The following TFRC variants were observed in gnomAD, a reference collection of about 807,000 sequenced individuals.
The protein encoded by TFRC is transferrin receptor protein 1.
TFRC carries 35 observed loss-of-function variants against 85.8 expected under a neutral mutation model. That is an observed-to-expected ratio of 0.41 (90% CI 0.31 to 0.54). The LOEUF is 0.54. Among genes scored for constraint, TFRC ranks in the 20% least tolerant of loss-of-function variants. The pLI is 0.31. For synonymous variants in TFRC, 362 were observed against 328.6 expected, an observed-to-expected ratio of 1.10 and a Z score of -1.10; for missense variants, 828 against 921.5, an observed-to-expected ratio of 0.90 and a Z score of 1.31.
At chr3:196,070,157 G>T (rs41303523) in intron 6 of TFRC, among the ~76,000 whole-genome samples, 6,827 of 152,072 alleles carry the variant, frequency 0.045, 195 homozygotes, top group Middle Eastern at 0.095. Context: ...CTTATAGGCA[G>T]CCAGGCAAAG....
chr3:196,077,645 G>A (rs1188383382), intron 1 of TFRC, among the ~76,000 whole-genome samples: 6 of 151,954 alleles, frequency 3.9e-5, no homozygotes, highest in Non-Finnish European at 7.4e-5. Flanking sequence ...CCAGCCACTC[G>A]GGAGCCTGAG....
intron 16 of TFRC, 110 bp from the exon 17 acceptor site, chr3:196,055,411 A>G: frequency 2.3e-6 from 2 of 853,240 alleles, no homozygotes; most frequent in East Asian, 5.0e-5. Flanking sequence ...CCTTGCTTCT[A>G]ACATATTCCT....
Position 196,051,449 on chromosome 3 carries a change from C to A in TFRC, c.*493G>T, listed in dbSNP as rs750711783. On this transcript the variant is annotated 3_prime_UTR_variant, in exon 19 of 19. Coordinates refer to ENST00000360110, the MANE Select transcript of TFRC (RefSeq NM_001128148.3). Reference sequence around the variant, plus strand: ...CATCTCTTCTGAAAGTTAACTGTTTCTTTCAGGAATGAGGAAACCAGCTAC... The same window carrying A: ...CATCTCTTCTGAAAGTTAACTGTTTATTTCAGGAATGAGGAAACCAGCTAC... The A allele has an allele frequency of 1.4e-5, 3 of 218,382 alleles. No homozygotes were observed. Among genetic ancestry groups the A allele is most frequent in the Admixed American group, 5.8e-5 (1 of 17,334 alleles). 13.5% of individuals were successfully genotyped at this position (218,382 alleles called of 1,614,324 possible).
intron 17 of TFRC, among the ~76,000 whole-genome samples, chr3:196,054,277 C>T (rs561127512): frequency 7.9e-5 from 12 of 152,252 alleles, no homozygotes; most frequent in East Asian, 7.7e-4. Flanking sequence ...TGGTGGCACA[C>T]GCCTGTAATC....
In TFRC at chr3:196,075,884, G is replaced by GT. The variant is rs564629951; in HGVS notation, c.37-525_37-524insA. Among the ~76,000 whole-genome samples, 91 of 47,340 alleles carry GT rather than the reference G, an allele frequency of 1.9e-3. 2 individuals carry two copies. Among genetic ancestry groups the GT allele is most frequent in the Admixed American group, 6.6e-3 (33 of 5,014 alleles). The allele number at this position is 47,340 out of a possible 152,430, so 31.1% of individuals were successfully genotyped here. ...CTCATGCCTGTAATCCCAGCACTCT[G>GT]GGGGGGGCCGAGGCACACAGATCAT... On this transcript the variant is annotated intron_variant, in intron 2 of 18. Coordinates refer to ENST00000360110, the MANE Select transcript of TFRC (RefSeq NM_001128148.3).
intron 13 of TFRC, among the ~76,000 whole-genome samples, chr3:196,061,755 C>T (rs1717302425): frequency 6.6e-6 from 1 of 152,200 alleles, no homozygotes; most frequent in African/African-American, 2.4e-5. Context: ...CTCCCAAGTG[C>T]TGGGATTACA....
rs773733218 is a variant in TFRC, at chr3:196,072,071, T to C, written c.516A>G (p.Gln172=). 42 of 1,614,080 alleles carry C rather than the reference T, an allele frequency of 2.6e-5. No individual in the cohort carries two copies. Among genetic ancestry groups the C allele is most frequent in the Middle Eastern group, 1.6e-4 (1 of 6,084 alleles). The change falls in exon 5 of 19, where the codon CAA becomes CAG. Residue 172 remains glutamine, a synonymous_variant. Coordinates refer to ENST00000360110, the MANE Select transcript of TFRC (RefSeq NM_001128148.3). ...CTTTGCTGAGTTTAAATTCACGAAA[T>C]TGATTTTCAACATACAACGCAAGAT... ...DENLALYVEN[Q]FREFKLSKVW... is the part of the protein sequence containing the mutation.
chr3:196,071,243 T>C (rs769134201), intron 6 of TFRC, among the ~76,000 whole-genome samples, 153 bp downstream of exon 6: 4 of 152,206 alleles, frequency 2.6e-5, no homozygotes, highest in African/African-American at 4.8e-5. Flanking sequence ...GAGAAGACAA[T>C]GCATGTTGAC....
At chr3:196,056,206 T>A (rs530932925) in intron 16 of TFRC, among the ~76,000 whole-genome samples, 9 of 152,216 alleles carry the variant, frequency 5.9e-5, no homozygotes, top group South Asian at 2.1e-4. Context: ...ATTTAAAAAA[T>A]TTTTTGTAGA....
chr3:196,080,687 C>T (rs985172328), intron 1 of TFRC, among the ~76,000 whole-genome samples: 37 of 152,256 alleles, frequency 2.4e-4, no homozygotes, highest in Non-Finnish European at 5.9e-5. Flanking sequence ...ATCTTCAACA[C>T]AGGCTAGGTT....
chr3:196,058,437 A>G, intron 15 of TFRC, 72 bp from the exon 16 acceptor site: 1 of 1,506,802 alleles, frequency 6.6e-7, no homozygotes, highest in East Asian at 2.3e-5. Flanking sequence ...TAGTCCCCCC[A>G]TCCAAAATAA....
intron 1 of TFRC, among the ~76,000 whole-genome samples, chr3:196,081,325 C>CA (rs1045618762): frequency 1.3e-5 from 2 of 152,228 alleles, no homozygotes; most frequent in African/African-American, 4.8e-5. Context: ...ACAAGGCGAA[C>CA]AGGCAGAGCA....
intron 9 of TFRC, among the ~76,000 whole-genome samples, chr3:196,066,034 A>AC (rs1717712615): frequency 1.3e-5 from 2 of 151,392 alleles, no homozygotes; most frequent in African/African-American, 2.4e-5. Context: ...ACAAAAAAAA[A>AC]CTTACTCTCT....
rs1716509647 is a variant in TFRC, at chr3:196,053,446, A to G, written c.2012T>C (p.Met671Thr). The change falls in exon 18 of 19, where the codon ATG becomes ACG. Residue 671 changes from methionine to threonine, a missense_variant. Transcript: ENST00000360110. ...CATGACACGATCATTGAGTTTCTTCATGACAAATCTGTCTGTTTTCTCAGC... is the reference window on the plus strand; with the variant it reads ...CATGACACGATCATTGAGTTTCTTCGTGACAAATCTGTCTGTTTTCTCAGC... The part of the protein sequence containing the change: ...GNAEKTDRFV[M>T]KKLNDRVMRV... 1.9e-6 allele frequency: 3 copies of G among 1,614,072 alleles called. No individual in the cohort carries two copies. Among genetic ancestry groups the G allele is most frequent in the African/African-American group, 2.7e-5 (2 of 74,930 alleles).
At chr3:196,071,109 T>C (rs1368286745) in intron 6 of TFRC, among the ~76,000 whole-genome samples, 2 of 152,164 alleles carry the variant, frequency 1.3e-5, no homozygotes, top group Non-Finnish European at 2.9e-5. Context: ...TGGCAGTAAA[T>C]AGAACTAACC....
chr3:196,072,740 G>A (rs548220222), intron 4 of TFRC: 1 of 152,064 alleles, frequency 6.6e-6, no homozygotes, highest in East Asian at 1.9e-4. Context: ...GTAAGTGTAG[G>A]AAGCTTGCAA....
rs1716200306 is a variant in TFRC at position 196,050,229 on chromosome 3, GCTA to G, written c.*1710_*1712del. On this transcript the variant is annotated 3_prime_UTR_variant, in exon 19 of 19. Transcript: ENST00000360110. ...TCAATAGCAAACATTATAAATGTAT[GCTA>G]CTATCTCATTAAGTAGAGGACCTGG... is the stretch of plus-strand genomic sequence containing the variant. 4.5e-6 allele frequency: 1 copy of G among 224,576 alleles called. No homozygotes were observed. The highest frequency in any genetic ancestry group is 5.7e-5 in the Admixed American group (1 of 17,488). 13.9% of individuals were successfully genotyped at this position (224,576 alleles called of 1,614,324 possible). A position where few individuals can be genotyped will look rare whatever the true frequency, so the allele number is the denominator to read the frequency against.
rs1716312764 is a variant in TFRC, at chr3:196,051,621, G to A, written c.*321C>T. 2.9e-6 allele frequency: 1 copy of A among 345,746 alleles called. No individual in the cohort carries two copies. Among genetic ancestry groups the A allele is most frequent in the African/African-American group, 2.1e-5 (1 of 47,954 alleles). The allele number at this position is 345,746 out of a possible 1,614,324, so 21.4% of individuals were successfully genotyped here. The stretch of plus-strand genomic sequence containing the variant: ...GAGACCAGCCCTTAGGATTCAGAGA[G>A]ATCATTCACATAACTGGTTTCTGAC... On this transcript the variant is annotated 3_prime_UTR_variant, in exon 19 of 19. Transcript: ENST00000360110.
At chr3:196,076,551 G>A (rs1189460194) in intron 2 of TFRC, among the ~76,000 whole-genome samples, 1 of 151,450 alleles carries the variant, frequency 6.6e-6, no homozygotes, top group Non-Finnish European at 1.5e-5. Context: ...CCGGGTTCAA[G>A]CAATTCTCCT....
Sources: gnomAD v4.1 joint callset for allele counts (sites outside exome capture counted in the v4.1 genomes callset) on GRCh38, gnomAD v4.1.1 for gene constraint, MANE v1.5 for transcripts, NCBI Gene and HGNC (gene_info 2026-07-23, HGNC 2026-07-21) for gene names.